Variants in COLGALT2 observed in about 807,000 individuals in gnomAD.
COLGALT2 encodes procollagen galactosyltransferase 2.
A neutral mutation model predicts 73.4 loss-of-function variants in COLGALT2; 49 were observed. That is an observed-to-expected ratio of 0.67 (90% CI 0.53 to 0.85). The LOEUF (loss-of-function observed/expected upper bound fraction) is 0.85, where lower values mean the gene tolerates loss of function less well. COLGALT2 is among the 40% of genes least tolerant of loss of function. The probability of loss-of-function intolerance (pLI) is 0.00; values close to 1 mark genes in which losing one functional copy is unlikely to be tolerated. For missense variants in COLGALT2, 722 were observed against 790.2 expected, an observed-to-expected ratio of 0.91 and a Z score of 1.03; for synonymous variants, 295 against 307.6, an observed-to-expected ratio of 0.96 and a Z score of 0.43.
At chr1:183,989,438 TG>T (rs1671573943) in intron 1 of COLGALT2, among the ~76,000 whole-genome samples, 1 of 152,172 alleles carries the variant, frequency 6.6e-6, no homozygotes, top group African/African-American at 2.4e-5. Context: ...GCCCAAGGAC[TG>T]GGCTTGCTAC....
At chr1:183,953,952 C>A (rs1196421567) in intron 7 of COLGALT2, among the ~76,000 whole-genome samples, 1 of 152,168 alleles carries the variant, frequency 6.6e-6, no homozygotes, top group Admixed American at 6.5e-5. Context: ...CAATTAGCAC[C>A]AAGCTCGAAG....
chr1:184,013,573 G>A (rs915258798), intron 1 of COLGALT2, among the ~76,000 whole-genome samples: 1 of 152,224 alleles, frequency 6.6e-6, no homozygotes, highest in Admixed American at 6.5e-5. Flanking sequence ...AATGGGGAAG[G>A]ACGGGGCGGG....
intron 1 of COLGALT2, among the ~76,000 whole-genome samples, chr1:183,989,067 C>G (rs926864417): frequency 6.6e-6 from 1 of 152,082 alleles, no homozygotes; most frequent in African/African-American, 2.4e-5. Flanking sequence ...GGTTTTCTTT[C>G]CATTTATACT....
chr1:183,941,651 T>C (rs1445668687), intron 10 of COLGALT2, among the ~76,000 whole-genome samples: 1 of 152,206 alleles, frequency 6.6e-6, no homozygotes, highest in Non-Finnish European at 1.5e-5. Flanking sequence ...ATTCAAGGGA[T>C]TCCCCCTTGT....
intron 1 of COLGALT2, among the ~76,000 whole-genome samples, chr1:184,020,089 T>C (rs1370742229): frequency 1.3e-5 from 2 of 152,200 alleles, no homozygotes; most frequent in African/African-American, 4.8e-5. Flanking sequence ...TGGTATGTTT[T>C]GTCTAATTTT....
intron 4 of COLGALT2, among the ~76,000 whole-genome samples, chr1:183,972,574 A>T (rs1174381016): frequency 1.4e-5 from 2 of 147,648 alleles, no homozygotes; most frequent in African/African-American, 5.0e-5. Flanking sequence ...AGAAATAATA[A>T]AAAATCAAAC....
chr1:183,954,910 C>T, intron 6 of COLGALT2, 72 bp from the exon 7 acceptor site: 4 of 1,157,946 alleles, frequency 3.5e-6, no homozygotes, highest in Non-Finnish European at 5.2e-6. Flanking sequence ...CATCCGCATG[C>T]CTGATCTCTA....
intron 7 of COLGALT2, among the ~76,000 whole-genome samples, chr1:183,953,745 T>C (rs557235284): frequency 2.0e-5 from 3 of 152,318 alleles, no homozygotes; most frequent in Admixed American, 2.0e-4. Context: ...CTGTTAACTC[T>C]TCCCCACTTA....
chr1:184,025,884 A>C (rs991464198), intron 1 of COLGALT2, among the ~76,000 whole-genome samples: 4 of 152,252 alleles, frequency 2.6e-5, no homozygotes, highest in Non-Finnish European at 5.9e-5. Context: ...AGATATGGTT[A>C]TCCCCATGAA....
In COLGALT2 at chr1:183,936,300, A is replaced by C. The variant is rs560289185; in HGVS notation, c.*2461T>G. On this transcript the variant is annotated 3_prime_UTR_variant, in exon 12 of 12. Coordinates refer to ENST00000361927, the MANE Select transcript of COLGALT2 (RefSeq NM_015101.4). Reference sequence around the variant, plus strand: ...GGTCAAGGAACCTCTGGATTGCTGAAGAGATGACTTTAAAAAAAAAGTCAC... The same window carrying C: ...GGTCAAGGAACCTCTGGATTGCTGACGAGATGACTTTAAAAAAAAAGTCAC... 4.1e-6 allele frequency: 4 copies of C among 985,756 alleles called. No homozygotes were observed. The South Asian group carries it at 1.9e-4, about 46-fold the overall frequency. The allele number at this position is 985,756 out of a possible 1,614,324, so 61.1% of individuals were successfully genotyped here.
At chr1:184,031,308 G>C (rs888528875) in intron 1 of COLGALT2, among the ~76,000 whole-genome samples, 1 of 152,136 alleles carries the variant, frequency 6.6e-6, no homozygotes, top group Non-Finnish European at 1.5e-5. Context: ...CTGTTATGTA[G>C]CTATGATCAC....
At chr1:184,003,316 A>G (rs180793784) in intron 1 of COLGALT2, among the ~76,000 whole-genome samples, 5 of 152,322 alleles carry the variant, frequency 3.3e-5, no homozygotes, top group Admixed American at 1.3e-4. Flanking sequence ...TGTTGGCCAA[A>G]AAGACTCATG....
downstream of COLGALT2, among the ~76,000 whole-genome samples, chr1:183,935,356 G>A (rs1291155600): frequency 6.6e-6 from 1 of 152,218 alleles, no homozygotes; most frequent in East Asian, 1.9e-4. Flanking sequence ...CACAAAGCCT[G>A]CAGCAAGGCA....
intron 1 of COLGALT2, 108 bp downstream of exon 1, chr1:184,036,987 C>G (rs1400598957): frequency 1.0e-6 from 1 of 968,282 alleles, no homozygotes; most frequent in Non-Finnish European, 1.3e-6. Context: ...TGCCCCCCCG[C>G]CCCTCCAGCG....
intron 1 of COLGALT2, among the ~76,000 whole-genome samples, chr1:184,015,034 A>C (rs2102850441): frequency 6.6e-6 from 1 of 152,200 alleles, no homozygotes. Flanking sequence ...CTGGGGGATG[A>C]ACAGTCCTCA....
intron 1 of COLGALT2, among the ~76,000 whole-genome samples, chr1:183,985,030 A>G (rs1671450913): frequency 1.3e-5 from 2 of 152,206 alleles, no homozygotes; most frequent in African/African-American, 2.4e-5. Context: ...TTATCTGGCA[A>G]TGTCTAAAAA....
intron 6 of COLGALT2, among the ~76,000 whole-genome samples, chr1:183,962,898 A>AT (rs1299662301): frequency 2.0e-5 from 3 of 152,192 alleles, no homozygotes; most frequent in Admixed American, 6.5e-5. Flanking sequence ...ATGCCTTCTT[A>AT]TACATCAGAG....
At chr1:183,976,998 T>A (rs3010049) in intron 2 of COLGALT2, among the ~76,000 whole-genome samples, 95,892 of 152,056 alleles carry the variant, frequency 0.63, 32,232 homozygotes, top group Non-Finnish European at 0.77. Flanking sequence ...CACATTTTCT[T>A]TTGGTGCTAA....
rs969214353 is a variant in COLGALT2 at position 184,001,084 on chromosome 1, C to T, written c.264-22564G>A. Among the ~76,000 whole-genome samples the T allele has an allele frequency of 7.9e-5, 12 of 152,134 alleles. 1 individual carries two copies. The highest frequency in any genetic ancestry group is 4.1e-4 in the South Asian group (2 of 4,836). ...TCCTGACCTCGTGATCCGTCTGCCT[C>T]GGCCTCCCGAAGTGCTGGGATTACA... On this transcript the variant is annotated intron_variant, in intron 1 of 11. Transcript: ENST00000361927.
Sources: allele counts gnomAD v4.1 joint callset (sites outside exome capture counted in the v4.1 genomes callset), GRCh38; gene constraint gnomAD v4.1.1; transcripts MANE v1.5; gene names NCBI Gene and HGNC (gene_info 2026-07-23, HGNC 2026-07-21).